The following AUTS2 variants were observed in gnomAD, a reference collection of about 807,000 sequenced individuals.
AUTS2 encodes the protein autism susceptibility gene 2 protein.
A neutral mutation model predicts 112.4 loss-of-function variants in AUTS2; 17 were observed. The observed-to-expected ratio is 0.15, with a 90% confidence interval of 0.10 to 0.23. The LOEUF is 0.23. AUTS2 is among the 10% of genes least tolerant of loss of function. AUTS2 has a pLI of 1.00. For missense variants in AUTS2, 1,510 were observed against 1,701.6 expected (o/e 0.89, Z 1.98); for synonymous variants, 751 against 702.7 (o/e 1.07, Z -1.09).
intron 4 of AUTS2, among the ~76,000 whole-genome samples, chr7:70,147,597 A>G (rs1219245129): frequency 6.6e-6 from 1 of 152,130 alleles, no homozygotes; most frequent in Non-Finnish European, 1.5e-5. Flanking sequence ...ATGTTTTCCT[A>G]TTTGATGAAA....
chr7:70,026,061 A>G (rs1003807838), intron 2 of AUTS2, among the ~76,000 whole-genome samples: 7 of 152,126 alleles, frequency 4.6e-5, no homozygotes, highest in Middle Eastern at 6.3e-3. Context: ...CAGACCCCTT[A>G]ATGTGCTGGC....
chr7:69,650,017 C>T (rs1273739059), intron 1 of AUTS2, among the ~76,000 whole-genome samples: 2 of 152,146 alleles, frequency 1.3e-5, no homozygotes, highest in African/African-American at 4.8e-5. Flanking sequence ...CCAAACTGGG[C>T]CAGTTGTTTT....
chr7:70,386,166 C>G (rs1360920133), intron 4 of AUTS2, among the ~76,000 whole-genome samples: 1 of 152,176 alleles, frequency 6.6e-6, no homozygotes, highest in Non-Finnish European at 1.5e-5. Flanking sequence ...TTTCCACTGC[C>G]ATGTGCCCTC....
chr7:69,617,866 C>G (rs913622703), intron 1 of AUTS2, among the ~76,000 whole-genome samples: 1 of 152,090 alleles, frequency 6.6e-6, no homozygotes, highest in Non-Finnish European at 1.5e-5. Flanking sequence ...ATTCCAGTGC[C>G]CAGTCATCAC....
chr7:70,152,029 C>T (rs1807468845), intron 4 of AUTS2, among the ~76,000 whole-genome samples: 1 of 151,978 alleles, frequency 6.6e-6, no homozygotes, highest in Non-Finnish European at 1.5e-5. Context: ...GTAAATACTA[C>T]AAGGTATGAA....
intron 5 of AUTS2, among the ~76,000 whole-genome samples, chr7:70,518,458 G>A (rs568488483): frequency 1.3e-5 from 2 of 152,140 alleles, no homozygotes; most frequent in Admixed American, 6.5e-5. Flanking sequence ...CAAGGCGGGC[G>A]GATCACGAGG....
At chr7:70,166,180 G>GT (rs1808371400) in intron 4 of AUTS2, among the ~76,000 whole-genome samples, 1 of 152,254 alleles carries the variant, frequency 6.6e-6, no homozygotes, top group South Asian at 2.1e-4. Flanking sequence ...GTCTCAGGTA[G>GT]TTTTTTATAG....
chr7:70,117,117 GTTTTTTTTTGTT>G (rs1262358284), intron 2 of AUTS2, among the ~76,000 whole-genome samples: 1,314 of 73,086 alleles, frequency 0.018, 65 homozygotes, highest in South Asian at 0.04. Context: ...TTTTTTTTTT[GTTTTTTTTTGTT>G]TTTTTTTGTT....
intron 2 of AUTS2, among the ~76,000 whole-genome samples, chr7:70,025,874 G>A (rs1005018213): frequency 6.6e-6 from 1 of 150,980 alleles, no homozygotes; most frequent in Non-Finnish European, 1.5e-5. Context: ...GTTGTTCCAA[G>A]GCCTAATTGG....
chr7:69,767,267 C>T lies in AUTS2; in HGVS notation c.310-132019C>T, dbSNP rs1295798503. Among the ~76,000 whole-genome samples the T allele has an allele frequency of 2.6e-5, 4 of 151,730 alleles. No individual in the cohort carries two copies. In the East Asian group the frequency reaches 7.7e-4, roughly 29 times the overall value. On this transcript the variant is annotated intron_variant, in intron 1 of 18. Transcript: ENST00000342771. ...TGATCATGGCTCACTGCAGCCTCGA[C>T]CTGCTAGGCTCAAGTGATCCTCCCA...
intron 2 of AUTS2, among the ~76,000 whole-genome samples, chr7:70,016,810 G>A (rs1800050780): frequency 6.6e-6 from 1 of 152,050 alleles, no homozygotes; most frequent in Admixed American, 6.5e-5. Context: ...TGGGATTACA[G>A]GCATGTGCCA....
At chr7:70,623,838 A>G (rs1413547593) in intron 5 of AUTS2, among the ~76,000 whole-genome samples, 4 of 152,142 alleles carry the variant, frequency 2.6e-5, no homozygotes, top group Admixed American at 1.3e-4. Flanking sequence ...ATGGATACCA[A>G]CCTTTACGCA....
At chr7:69,936,130 A>G (rs1430057021) in intron 2 of AUTS2, among the ~76,000 whole-genome samples, 1 of 151,954 alleles carries the variant, frequency 6.6e-6, no homozygotes, top group Non-Finnish European at 1.5e-5. Context: ...TGTCACCTGT[A>G]TTTTCCTCAT....
chr7:70,289,904 G>C (rs928149210), intron 4 of AUTS2, among the ~76,000 whole-genome samples: 1 of 152,188 alleles, frequency 6.6e-6, no homozygotes, highest in African/African-American at 2.4e-5. Flanking sequence ...TTCTGATTCT[G>C]AAAACTTCAA....
chr7:70,064,869 A>G (rs754493598), intron 2 of AUTS2, among the ~76,000 whole-genome samples: 4 of 152,108 alleles, frequency 2.6e-5, no homozygotes, highest in East Asian at 1.9e-4. Context: ...CTATGTTCCT[A>G]TCTTTCCCGG....
intron 5 of AUTS2, among the ~76,000 whole-genome samples, chr7:70,472,849 C>A (rs756018309): frequency 2.0e-5 from 3 of 152,188 alleles, no homozygotes; most frequent in Non-Finnish European, 4.4e-5. Flanking sequence ...TAAGTTTAAC[C>A]ACTCCAGTTG....
At chr7:70,547,319 A>G (rs531516115) in intron 5 of AUTS2, among the ~76,000 whole-genome samples, 2 of 152,290 alleles carry the variant, frequency 1.3e-5, no homozygotes, top group East Asian at 1.9e-4. Context: ...CAGTGGCGCA[A>G]TCTCGGCTCA....
intron 5 of AUTS2, among the ~76,000 whole-genome samples, chr7:70,603,635 T>G (rs1803586653): frequency 6.6e-6 from 1 of 152,124 alleles, no homozygotes; most frequent in Non-Finnish European, 1.5e-5. Flanking sequence ...TCAGATAGTA[T>G]CTTCCAGTAA....
At chr7:70,340,796 T>C (rs1266865281) in intron 4 of AUTS2, among the ~76,000 whole-genome samples, 1 of 152,262 alleles carries the variant, frequency 6.6e-6, no homozygotes, top group Admixed American at 6.5e-5. Context: ...TCTGCTAATT[T>C]CACACATCAT....
Sources: gnomAD v4.1 joint callset for allele counts (sites outside exome capture counted in the v4.1 genomes callset) on GRCh38, gnomAD v4.1.1 for gene constraint, MANE v1.5 for transcripts, NCBI Gene and HGNC (gene_info 2026-07-23, HGNC 2026-07-21) for gene names.